The following KIF6 variants were observed in gnomAD, a reference collection of about 807,000 sequenced individuals.
KIF6 encodes kinesin family member 6.
In KIF6, 106 loss-of-function variants were observed where a neutral mutation model predicts 112.7. The ratio of observed to expected loss-of-function variants is 0.94; its 90% CI spans 0.80 to 1.11. KIF6 has a LOEUF of 1.11. KIF6 is among the 50% of genes least tolerant of loss of function. The pLI is 0.00. For missense variants in KIF6, 929 were observed against 964.0 expected, an observed-to-expected ratio of 0.96 and a Z score of 0.48; for synonymous variants, 339 against 339.9, an observed-to-expected ratio of 1.00 and a Z score of 0.03.
intron 15 of KIF6, among the ~76,000 whole-genome samples, chr6:39,405,797 A>G (rs1272128888): frequency 1.3e-5 from 2 of 152,320 alleles, no homozygotes; most frequent in Non-Finnish European, 2.9e-5. Flanking sequence ...GAATACTACA[A>G]TGAAACTCTC....
At chr6:39,510,872 C>CAAAAAAAAAAAAA (rs1180631310) in intron 13 of KIF6, among the ~76,000 whole-genome samples, 2 of 23,858 alleles carry the variant, frequency 8.4e-5, no homozygotes, top group African/African-American at 1.6e-4. Flanking sequence ...AAATGGGAAG[C>CAAAAAAAAAAAAA]AAAAAAAAAA....
intron 13 of KIF6, among the ~76,000 whole-genome samples, chr6:39,535,790 C>T (rs1374491667): frequency 6.6e-6 from 1 of 151,978 alleles, no homozygotes; most frequent in Non-Finnish European, 1.5e-5. Context: ...ACACCTATTC[C>T]AAAATTGACC....
At position 39,334,644 on chromosome 6, in the gene KIF6, GAAAAT is replaced by G. The variant is rs1762846362; in HGVS notation, c.*1883_*1887del. On this transcript the variant is annotated 3_prime_UTR_variant, in exon 23 of 23. Transcript: ENST00000287152. The stretch of plus-strand genomic sequence containing the variant: ...TAAATAAAAGAAAGTAAAAATAAAA[GAAAAT>G]AAAAGTTAGTAGACTCTACCCAGCT... The G allele has an allele frequency of 2.6e-5, 4 of 152,166 alleles. No homozygotes were observed. 9.4% of individuals were successfully genotyped at this position (152,166 alleles called of 1,614,324 possible).
At chr6:39,494,333 G>A (rs528587911) in intron 13 of KIF6, among the ~76,000 whole-genome samples, 1 of 152,306 alleles carries the variant, frequency 6.6e-6, no homozygotes, top group Admixed American at 6.5e-5. Context: ...TATACATTAA[G>A]AAGTAGATAC....
chr6:39,468,015 T>C (rs139683746), intron 13 of KIF6, among the ~76,000 whole-genome samples: 2 of 152,210 alleles, frequency 1.3e-5, no homozygotes, highest in Non-Finnish European at 2.9e-5. Context: ...AATAAAGAGA[T>C]ATAAATTATT....
intron 3 of KIF6, among the ~76,000 whole-genome samples, chr6:39,693,678 A>G (rs1788357919): frequency 6.6e-6 from 1 of 152,126 alleles, no homozygotes; most frequent in South Asian, 2.1e-4. Context: ...TAATAAAAAA[A>G]AAATCTACCA....
At chr6:39,413,129 C>T (rs1769612001) in intron 15 of KIF6, among the ~76,000 whole-genome samples, 1 of 152,042 alleles carries the variant, frequency 6.6e-6, no homozygotes, top group Admixed American at 6.6e-5. Flanking sequence ...CTTAATTTTC[C>T]TATAATCCCC....
intron 15 of KIF6, among the ~76,000 whole-genome samples, chr6:39,413,993 C>T (rs1769698201): frequency 6.6e-6 from 1 of 152,116 alleles, no homozygotes; most frequent in South Asian, 2.1e-4. Context: ...ATCTCTTTAC[C>T]TGCTTTTCTC....
intron 15 of KIF6, among the ~76,000 whole-genome samples, chr6:39,390,419 T>A (rs1767783382): frequency 6.6e-6 from 1 of 152,026 alleles, no homozygotes; most frequent in South Asian, 2.1e-4. Context: ...ACAGGCGAAT[T>A]GAGTAGGCTC....
chr6:39,465,317 C>A (rs1217943601), intron 13 of KIF6, among the ~76,000 whole-genome samples: 1 of 152,150 alleles, frequency 6.6e-6, no homozygotes, highest in Non-Finnish European at 1.5e-5. Context: ...TGACTCTGGT[C>A]TCAAGAAATC....
chr6:39,423,546 C>A (rs1228858048), intron 14 of KIF6, among the ~76,000 whole-genome samples: 2 of 152,038 alleles, frequency 1.3e-5, no homozygotes, highest in Non-Finnish European at 2.9e-5. Flanking sequence ...CAAATCTCCA[C>A]CTCAGCCCTG....
At chr6:39,640,481 T>C (rs1207104211) in intron 3 of KIF6, among the ~76,000 whole-genome samples, 3 of 152,272 alleles carry the variant, frequency 2.0e-5, no homozygotes, top group Middle Eastern at 3.4e-3. Flanking sequence ...TAAACTTTTG[T>C]AGCTTTATGT....
At chr6:39,725,158 C>G in intron 1 of KIF6, 87 bp downstream of exon 1, 2 of 1,187,790 alleles carry the variant, frequency 1.7e-6, no homozygotes, top group Non-Finnish European at 2.4e-6. Context: ...AAGCCCCTCA[C>G]CTCCGCCCAG....
intron 10 of KIF6, among the ~76,000 whole-genome samples, chr6:39,548,097 C>A (rs1159165633): frequency 6.6e-6 from 1 of 152,134 alleles, no homozygotes; most frequent in Non-Finnish European, 1.5e-5. Context: ...TTCTAGCAGA[C>A]AATATTAAGT....
At chr6:39,368,431 T>C (rs1765733037) in intron 16 of KIF6, among the ~76,000 whole-genome samples, 1 of 152,180 alleles carries the variant, frequency 6.6e-6, no homozygotes, top group Admixed American at 6.5e-5. Flanking sequence ...TCAAAGCTGG[T>C]GCTCTTTCCT....
At chr6:39,715,752 A>C (rs1191093079) in intron 2 of KIF6, among the ~76,000 whole-genome samples, 1 of 152,178 alleles carries the variant, frequency 6.6e-6, no homozygotes, top group African/African-American at 2.4e-5. Context: ...GAACTATACA[A>C]AGAGATAATC....
chr6:39,346,069 TCTCTCTCTCTCTCTCTCCCCC>T (rs1763706851), intron 20 of KIF6, among the ~76,000 whole-genome samples: 1 of 19,116 alleles, frequency 5.2e-5, no homozygotes, highest in African/African-American at 5.4e-4. Context: ...TCTCTCTCTC[TCTCTCTCTCTCTCTCTCCCCC>T]CCCTCTCCCT....
intron 13 of KIF6, among the ~76,000 whole-genome samples, chr6:39,440,859 G>A (rs987811748): frequency 1.3e-5 from 2 of 152,212 alleles, no homozygotes; most frequent in Non-Finnish European, 2.9e-5. Flanking sequence ...GGGGCATAGA[G>A]AGGAAATGGT....
At chr6:39,469,389 A>T (rs2150437102) in intron 13 of KIF6, among the ~76,000 whole-genome samples, 1 of 152,252 alleles carries the variant, frequency 6.6e-6, no homozygotes, top group Non-Finnish European at 1.5e-5. Flanking sequence ...ATGAGATTTA[A>T]AAAAAACCAA....
Sources: gnomAD v4.1 joint callset for allele counts (sites outside exome capture counted in the v4.1 genomes callset) on GRCh38, gnomAD v4.1.1 for gene constraint, MANE v1.5 for transcripts, NCBI Gene and HGNC (gene_info 2026-07-23, HGNC 2026-07-21) for gene names.